Variants in HMG20A observed in about 807,000 individuals in gnomAD.
HMG20A encodes high mobility group 20A, also known as high mobility group protein 20A.
A neutral mutation model predicts 43.9 loss-of-function variants in HMG20A; 17 were observed. The ratio of observed to expected loss-of-function variants is 0.39; its 90% CI spans 0.27 to 0.58. The LOEUF is 0.58. Among genes scored for constraint, HMG20A ranks in the 20% least tolerant of loss-of-function variants. The probability of loss-of-function intolerance (pLI) is 0.59; values close to 1 mark genes in which losing one functional copy is unlikely to be tolerated. For synonymous variants in HMG20A, 132 were observed against 147.5 expected (o/e 0.89, Z 0.76); for missense variants, 341 against 438.2 (o/e 0.78, Z 1.98).
chr15:77,486,259 C>CTTTTTTTTTTTTTTTTTTTT, downstream of HMG20A, among the ~76,000 whole-genome samples: 1 of 128,696 alleles, frequency 7.8e-6, no homozygotes, highest in Non-Finnish European at 1.6e-5. Context: ...TAAATGCTTG[C>CTTTTTTTTTTTTTTTTTTTT]TTTTTTTTTT....
At chr15:77,507,752 C>T in the HMG20A span, among the ~76,000 whole-genome samples, 2 of 152,086 alleles carry the variant, frequency 1.3e-5, no homozygotes, top group African/African-American at 2.4e-5. Context: ...TTCACAGGTG[C>T]GGGCAGAGTG....
chr15:77,441,416 TGTTA>T (rs1271840969), intron 1 of HMG20A, among the ~76,000 whole-genome samples: 1 of 152,198 alleles, frequency 6.6e-6, no homozygotes, highest in Non-Finnish European at 1.5e-5. Flanking sequence ...TCTGCTAGTT[TGTTA>T]GTGTTTCTAG....
chr15:77,519,319 C>T, the HMG20A span, among the ~76,000 whole-genome samples: 9 of 152,244 alleles, frequency 5.9e-5, no homozygotes, highest in African/African-American at 9.6e-5. Flanking sequence ...TGGAGCTCCA[C>T]CAACTCCAAC....
chr15:77,512,043 T>A, the HMG20A span, among the ~76,000 whole-genome samples: 1 of 151,236 alleles, frequency 6.6e-6, no homozygotes, highest in Non-Finnish European at 1.5e-5. Context: ...ATAAACAAAC[T>A]GTGGTATAAC....
rs1022612137 is a variant in HMG20A at position 77,456,861 on chromosome 15, C to T, written c.-4-1543C>T. On this transcript the variant is annotated intron_variant, in intron 1 of 9. Transcript: ENST00000336216. ...AATTAAAACTTAAGTACACTTGAGTCAGGGTTATTCAGTAAAACATGTGGA... is the reference window on the plus strand; with the variant it reads ...AATTAAAACTTAAGTACACTTGAGTTAGGGTTATTCAGTAAAACATGTGGA... Among the ~76,000 whole-genome samples the T allele has an allele frequency of 3.3e-5, 5 of 152,252 alleles. No individual in the cohort carries two copies. The South Asian group carries it at 8.3e-4, about 25-fold the overall frequency.
chr15:77,432,761 GAAATAACAAGACCAAAAGTTGGTTCCTTA>G (rs2073500802), intron 1 of HMG20A, among the ~76,000 whole-genome samples: 1 of 148,272 alleles, frequency 6.7e-6, no homozygotes, highest in Admixed American at 6.7e-5. Flanking sequence ...TTGGCATTAG[GAAATAACAAGACCAAAAGTTGGTTCCTTA>G]AAAAGATTAG....
At chr15:77,513,575 G>A in the HMG20A span, among the ~76,000 whole-genome samples, 2 of 152,118 alleles carry the variant, frequency 1.3e-5, no homozygotes, top group Non-Finnish European at 1.5e-5. Flanking sequence ...CGACCGGGTT[G>A]GCTTCTGGTG....
Position 77,467,172 on chromosome 15 carries a change from C to T in HMG20A, c.315C>T (p.Ser105=). ...KPLRDSNAPK[S]PLTGYVRFMN... ...TTCGAGACAGCAATGCACCCAAATCCCCCCTTACAGGATATGTTCGGTTCA... is the reference window on the plus strand; with the variant it reads ...TTCGAGACAGCAATGCACCCAAATCTCCCCTTACAGGATATGTTCGGTTCA... The change falls in exon 4 of 10, where the codon TCC becomes TCT. Residue 105 remains serine (S), a synonymous_variant. Coordinates refer to ENST00000336216, the MANE Select transcript of HMG20A (RefSeq NM_001304504.2). The T allele has an allele frequency of 1.2e-6, 2 of 1,614,024 alleles. No individual in the cohort carries two copies. The highest frequency in any genetic ancestry group is 1.7e-6 in the Non-Finnish European group (2 of 1,179,986).
At chr15:77,480,373 G>A (rs1250143961) in intron 9 of HMG20A, among the ~76,000 whole-genome samples, 1 of 152,004 alleles carries the variant, frequency 6.6e-6, no homozygotes, top group East Asian at 1.9e-4. Flanking sequence ...TAGCACTTTG[G>A]GAGGTTGAGG....
At chr15:77,450,110 T>C (rs2073719066) in intron 1 of HMG20A, among the ~76,000 whole-genome samples, 1 of 152,126 alleles carries the variant, frequency 6.6e-6, no homozygotes, top group South Asian at 2.1e-4. Context: ...TCTTTTCAGA[T>C]TTATTTTTTA....
intron 1 of HMG20A, among the ~76,000 whole-genome samples, chr15:77,439,697 G>A (rs983448294): frequency 5.3e-5 from 8 of 152,076 alleles, no homozygotes; most frequent in South Asian, 4.2e-4. Context: ...ATGAACATTC[G>A]CATACATGTC....
At chr15:77,430,335 A>G (rs1395243039) in intron 1 of HMG20A, among the ~76,000 whole-genome samples, 1 of 152,240 alleles carries the variant, frequency 6.6e-6, no homozygotes, top group East Asian at 1.9e-4. Context: ...TCAGAGCCCA[A>G]GCTATGGTTT....
At chr15:77,505,020 A>G in the HMG20A span, among the ~76,000 whole-genome samples, 1 of 152,156 alleles carries the variant, frequency 6.6e-6, no homozygotes, top group East Asian at 1.9e-4. Context: ...TATGTGGCAG[A>G]CCCCTGAGCA....
downstream of HMG20A, among the ~76,000 whole-genome samples, chr15:77,489,559 T>A (rs1273163283): frequency 6.6e-6 from 1 of 152,200 alleles, no homozygotes; most frequent in African/African-American, 2.4e-5. Context: ...CTAGTCCCCA[T>A]AGAGCTCTTC....
intron 1 of HMG20A, among the ~76,000 whole-genome samples, chr15:77,443,537 G>A (rs1227864964): frequency 6.8e-6 from 1 of 147,338 alleles, no homozygotes; most frequent in South Asian, 2.2e-4. Context: ...GATTACAGGC[G>A]CCCACCACCA....
At chr15:77,486,939 G>A (rs1312488002), downstream of HMG20A, among the ~76,000 whole-genome samples, 2 of 152,314 alleles carry the variant, frequency 1.3e-5, no homozygotes, top group Middle Eastern at 3.4e-3. Flanking sequence ...AATAAGAAGT[G>A]TGTCTTTCTC....
intron 1 of HMG20A, among the ~76,000 whole-genome samples, chr15:77,448,474 A>G (rs558641121): frequency 6.6e-6 from 1 of 152,318 alleles, no homozygotes; most frequent in East Asian, 1.9e-4. Flanking sequence ...AGATTACCTC[A>G]GTGAAGCCTT....
chr15:77,475,223 T>C (rs1307741199), intron 6 of HMG20A, among the ~76,000 whole-genome samples: 1 of 152,182 alleles, frequency 6.6e-6, no homozygotes, highest in Non-Finnish European at 1.5e-5. Context: ...CCGTGAAATG[T>C]GCTCAGTAAT....
intron 6 of HMG20A, among the ~76,000 whole-genome samples, chr15:77,473,184 A>G (rs1015659250): frequency 6.6e-6 from 1 of 152,252 alleles, no homozygotes; most frequent in Non-Finnish European, 1.5e-5. Context: ...GTAAATATTT[A>G]CATTTTATTC....
Sources: gnomAD v4.1 joint callset for allele counts (sites outside exome capture counted in the v4.1 genomes callset) on GRCh38, gnomAD v4.1.1 for gene constraint, MANE v1.5 for transcripts, NCBI Gene and HGNC (gene_info 2026-07-23, HGNC 2026-07-21) for gene names.